Variants in VAV3 observed in about 807,000 individuals in gnomAD.
VAV3 encodes the protein guanine nucleotide exchange factor VAV3.
In VAV3, 94 loss-of-function variants were observed where a neutral mutation model predicts 131.2. That is an observed-to-expected ratio of 0.72 (90% CI 0.61 to 0.85). The LOEUF is 0.85. VAV3 is among the 40% of genes least tolerant of loss of function. VAV3 has a pLI of 0.00. For synonymous variants in VAV3, 349 were observed against 342.0 expected (o/e 1.02, Z -0.22); for missense variants, 939 against 1,002.7 (o/e 0.94, Z 0.86).
At chr1:107,766,412 G>T in intron 8 of VAV3, 35 bp downstream of exon 8, 1 of 1,421,312 alleles carries the variant, frequency 7.0e-7, no homozygotes, top group Non-Finnish European at 9.9e-7. Context: ...ATAATTACAA[G>T]CTAAGACCCA....
intron 1 of VAV3, among the ~76,000 whole-genome samples, chr1:107,901,792 C>T (rs1242053230): frequency 1.3e-5 from 2 of 152,056 alleles, no homozygotes; most frequent in African/African-American, 4.8e-5. Context: ...CCTGTAATCC[C>T]AGCACTTTGG....
intron 21 of VAV3, among the ~76,000 whole-genome samples, chr1:107,611,605 A>AAAC (rs1553174646): frequency 6.9e-6 from 1 of 144,024 alleles, no homozygotes; most frequent in East Asian, 2.1e-4. Context: ...CCAAAAAAAA[A>AAAC]AAACAAACAA....
intron 15 of VAV3, among the ~76,000 whole-genome samples, chr1:107,711,374 A>G (rs1308900068): frequency 6.6e-6 from 1 of 152,212 alleles, no homozygotes; most frequent in East Asian, 1.9e-4. Flanking sequence ...ACTCAGCCAC[A>G]ATATTTTTAA....
At chr1:107,851,888 GATTT>G (rs1669249414) in intron 2 of VAV3, among the ~76,000 whole-genome samples, 1 of 151,952 alleles carries the variant, frequency 6.6e-6, no homozygotes, top group South Asian at 2.1e-4. Flanking sequence ...CGAGTTTGCT[GATTT>G]TTTTAAAAAA....
At chr1:107,905,060 A>G (rs1672038946) in intron 1 of VAV3, among the ~76,000 whole-genome samples, 1 of 152,202 alleles carries the variant, frequency 6.6e-6, no homozygotes, top group South Asian at 2.1e-4. Context: ...ATCAAGGAAT[A>G]TCAAGGAGCC....
At chr1:107,810,661 C>G (rs1354772816) in intron 2 of VAV3, among the ~76,000 whole-genome samples, 1 of 151,974 alleles carries the variant, frequency 6.6e-6, no homozygotes, top group Non-Finnish European at 1.5e-5. Context: ...TAGTTTTTCC[C>G]TCAGTGTTTG....
In VAV3 at chr1:107,845,503, G is replaced by A. The variant is rs146564221; in HGVS notation, c.321+29398C>T. 8.0e-3 allele frequency among the ~76,000 whole-genome samples: 1,218 copies of A among 151,826 alleles called. 15 individuals are homozygous for A. The highest frequency in any genetic ancestry group is 0.017 in the African/African-American group (700 of 41,474). On this transcript the variant is annotated intron_variant, in intron 2 of 26. Transcript: ENST00000370056. ...AAGGTGGGTAATAAAAAACTCCTGC[G>A]AACTAAAGAAGTATGTTATAACCAA...
intron 2 of VAV3, among the ~76,000 whole-genome samples, chr1:107,848,784 G>T (rs1043693872): frequency 6.6e-6 from 1 of 152,134 alleles, no homozygotes; most frequent in Admixed American, 6.5e-5. Flanking sequence ...AAGTCAAATT[G>T]TCTCTGTTTG....
At chr1:107,639,095 T>G (rs1655146499) in intron 20 of VAV3, among the ~76,000 whole-genome samples, 1 of 151,936 alleles carries the variant, frequency 6.6e-6, no homozygotes, top group Admixed American at 6.6e-5. Flanking sequence ...GAGAAATAAT[T>G]GCGTTTTCAA....
At chr1:107,854,460 C>T (rs75571401) in intron 2 of VAV3, among the ~76,000 whole-genome samples, 2,360 of 152,232 alleles carry the variant, frequency 0.016, 48 homozygotes, top group African/African-American at 0.045. Context: ...AAAACAATTC[C>T]CTTGTTTTCC....
At chr1:107,958,102 T>G (rs1413850613) in intron 1 of VAV3, among the ~76,000 whole-genome samples, 1 of 152,172 alleles carries the variant, frequency 6.6e-6, no homozygotes, top group Non-Finnish European at 1.5e-5. Flanking sequence ...GAGTTTAAAA[T>G]TATGCTGGCA....
At chr1:107,630,096 T>C (rs934800301) in intron 20 of VAV3, among the ~76,000 whole-genome samples, 2 of 152,226 alleles carry the variant, frequency 1.3e-5, no homozygotes, top group African/African-American at 2.4e-5. Flanking sequence ...TTTTTATCTA[T>C]AGGTTTAACG....
intron 15 of VAV3, among the ~76,000 whole-genome samples, chr1:107,734,582 T>G (rs939262930): frequency 6.6e-6 from 1 of 152,058 alleles, no homozygotes; most frequent in Non-Finnish European, 1.5e-5. Context: ...AAAACAGACT[T>G]TAAACCAACA....
At chr1:107,801,387 G>A (rs1252305071) in intron 2 of VAV3, among the ~76,000 whole-genome samples, 4 of 152,100 alleles carry the variant, frequency 2.6e-5, no homozygotes, top group Non-Finnish European at 4.4e-5. Flanking sequence ...TGAATCTATA[G>A]ATTGCTTTGA....
chr1:107,769,588 T>G (rs1664924976), intron 6 of VAV3, among the ~76,000 whole-genome samples: 3 of 152,246 alleles, frequency 2.0e-5, no homozygotes, highest in African/African-American at 7.2e-5. Context: ...GTGATGATAA[T>G]GGCCCAATCT....
At chr1:107,726,893 A>G (rs1661876376) in intron 15 of VAV3, among the ~76,000 whole-genome samples, 1 of 152,214 alleles carries the variant, frequency 6.6e-6, no homozygotes, top group Non-Finnish European at 1.5e-5. Context: ...GGACCATGCT[A>G]TCATTGTCTA....
intron 5 of VAV3, among the ~76,000 whole-genome samples, chr1:107,772,358 C>T (rs1665096590): frequency 6.6e-6 from 1 of 152,018 alleles, no homozygotes; most frequent in African/African-American, 2.4e-5. Flanking sequence ...TATATTTTAT[C>T]TTATATCAAA....
intron 19 of VAV3, among the ~76,000 whole-genome samples, chr1:107,658,377 T>G (rs1328488191): frequency 6.6e-6 from 1 of 152,230 alleles, no homozygotes; most frequent in Non-Finnish European, 1.5e-5. Flanking sequence ...GTTTCAAGTC[T>G]TTGCTATTGT....
intron 1 of VAV3, among the ~76,000 whole-genome samples, chr1:107,940,203 T>A (rs531402678): frequency 6.6e-6 from 1 of 152,340 alleles, no homozygotes; most frequent in Non-Finnish European, 1.5e-5. Flanking sequence ...ATGAAGAAAG[T>A]ATAGTTCCTT....
Sources: allele counts gnomAD v4.1 joint callset (sites outside exome capture counted in the v4.1 genomes callset), GRCh38; gene constraint gnomAD v4.1.1; transcripts MANE v1.5; gene names NCBI Gene and HGNC (gene_info 2026-07-23, HGNC 2026-07-21).